CCNI: variants seen among roughly 807,000 people sequenced by gnomAD.
CCNI encodes the protein cyclin I.
A neutral mutation model predicts 34.1 loss-of-function variants in CCNI; 14 were observed. The observed-to-expected ratio is 0.41, with a 90% CI of 0.27 to 0.64. CCNI has a LOEUF of 0.64. CCNI is among the 30% of genes least tolerant of loss of function. CCNI has a pLI of 0.31. For missense variants in CCNI, 385 were observed against 440.5 expected, an observed-to-expected ratio of 0.87 and a Z score of 1.13; for synonymous variants, 154 against 158.4, an observed-to-expected ratio of 0.97 and a Z score of 0.21.
chr4:77,066,323 A>C lies in CCNI; in HGVS notation c.40T>G (p.Phe14Val). 1 of 1,614,094 alleles carries C rather than the reference A, an allele frequency of 6.2e-7. No individual in the cohort carries two copies. Among genetic ancestry groups the C allele is most frequent in the South Asian group, 1.1e-5 (1 of 91,082 alleles). The change falls in exon 2 of 7, where the codon TTC becomes GTC. Residue 14 changes from phenylalanine (F) to valine (V), a missense_variant. Transcript: ENST00000237654. ...CTAGTGATTGCCTTTTCCAACAGGA[A>C]AGACAATCTCTGGTTTTCCAAAGGC... ...PGPLENQRLS[F>V]LLEKAITREA...
chr4:77,059,167 T>C (rs1463135490), intron 2 of CCNI, among the ~76,000 whole-genome samples: 14 of 152,030 alleles, frequency 9.2e-5, no homozygotes, highest in Non-Finnish European at 1.5e-5. Context: ...TGAAAAAATA[T>C]TGAACAGGAA....
chr4:77,073,157 AC>A (rs1388235552), intron 1 of CCNI, among the ~76,000 whole-genome samples: 3 of 152,362 alleles, frequency 2.0e-5, no homozygotes, highest in Non-Finnish European at 2.9e-5. Context: ...GCAAGAAATA[AC>A]AAAAGACTAT....
rs1426018169 is a variant in CCNI at position 77,056,252 on chromosome 4, A to G, written c.315T>C (p.Asp105=). The change falls in exon 4 of 7, where the codon GAT becomes GAC. Residue 105 remains aspartate (D), a synonymous_variant. Transcript: ENST00000237654. ...FFLAAKTVEE[D]ERIPVLKVLA... is the part of the protein sequence containing the mutation. ...TTATCTTGAAAGGATTTATTACCTC[A>G]TCTTCCTCAACAGTCTTGGCAGCTA... 3.7e-6 allele frequency: 6 copies of G among 1,611,962 alleles called. No homozygotes were observed. In the African/African-American group the frequency reaches 8.0e-5, roughly 22 times the overall value.
intron 2 of CCNI, among the ~76,000 whole-genome samples, chr4:77,065,611 TG>T (rs1262015336): frequency 6.6e-6 from 1 of 152,230 alleles, no homozygotes; most frequent in Non-Finnish European, 1.5e-5. Flanking sequence ...GGTATGAAGA[TG>T]TTCAGCCTCT....
chr4:77,065,565 G>A (rs1728973373), intron 2 of CCNI, among the ~76,000 whole-genome samples: 1 of 152,172 alleles, frequency 6.6e-6, no homozygotes, highest in East Asian at 1.9e-4. Flanking sequence ...TACCGCTAAT[G>A]ATGAAAGAGT....
intron 2 of CCNI, 97 bp from the exon 3 acceptor site, chr4:77,058,732 A>C: frequency 1.1e-6 from 1 of 949,386 alleles, no homozygotes; most frequent in South Asian, 1.7e-5. Context: ...GTAATACTAC[A>C]AAATATATTT....
intron 3 of CCNI, 114 bp downstream of exon 3, chr4:77,058,393 C>T (rs530696459): frequency 7.6e-5 from 54 of 707,498 alleles, no homozygotes; most frequent in African/African-American, 7.0e-4. Context: ...ATACATCATT[C>T]TCCAGCAAAG....
intron 1 of CCNI, among the ~76,000 whole-genome samples, chr4:77,069,914 A>G (rs1308923187): frequency 6.6e-6 from 1 of 151,910 alleles, no homozygotes; most frequent in Non-Finnish European, 1.5e-5. Context: ...CATGCTCACC[A>G]ATTCATCTTT....
chr4:77,050,811 G>A (rs1318904059), intron 6 of CCNI, among the ~76,000 whole-genome samples: 1 of 151,404 alleles, frequency 6.6e-6, no homozygotes, highest in Non-Finnish European at 1.5e-5. Context: ...GAGAAAGGAT[G>A]GAGCTTCTGC....
At chr4:77,070,086 C>T (rs928664791) in intron 1 of CCNI, among the ~76,000 whole-genome samples, 9 of 148,744 alleles carry the variant, frequency 6.1e-5, no homozygotes, top group Admixed American at 1.3e-4. Flanking sequence ...GGCACGATCT[C>T]GGCTCACTGC....
intron 1 of CCNI, among the ~76,000 whole-genome samples, chr4:77,067,960 G>A (rs767678780): frequency 6.6e-6 from 1 of 151,860 alleles, no homozygotes; most frequent in Non-Finnish European, 1.5e-5. Context: ...GGCAGATCAC[G>A]AGGTCAGTAG....
At chr4:77,066,200 T>C (rs1357741216) in intron 2 of CCNI, 49 bp downstream of exon 2, 1 of 1,426,978 alleles carries the variant, frequency 7.0e-7, no homozygotes, top group Non-Finnish European at 9.9e-7. Flanking sequence ...ATGGCAGTAG[T>C]ATGTTTATTT....
rs946881060 is a variant in CCNI at position 77,063,553 on chromosome 4, T to G, written c.114+2696A>C. On this transcript the variant is annotated intron_variant, in intron 2 of 6. Transcript: ENST00000237654. ...AAAATACAAAAAATTAGCCGGGCGT[T>G]GTGGCGGGCGCCTGTAGTCCCAGCT... Among the ~76,000 whole-genome samples, 8 of 151,348 alleles carry G rather than the reference T, an allele frequency of 5.3e-5. No individual in the cohort carries two copies. The South Asian group carries it at 6.2e-4, about 12-fold the overall frequency.
intron 1 of CCNI, chr4:77,074,785 C>T (rs912362892): frequency 2.0e-5 from 3 of 152,218 alleles, no homozygotes; most frequent in Non-Finnish European, 4.4e-5. Flanking sequence ...CTGAATCCAT[C>T]CTACCTCCCG....
intron 2 of CCNI, among the ~76,000 whole-genome samples, chr4:77,059,898 A>G (rs1728488482): frequency 6.6e-6 from 1 of 152,210 alleles, no homozygotes; most frequent in African/African-American, 2.4e-5. Context: ...GCCACAACAA[A>G]TAAGGAAAAG....
intron 2 of CCNI, among the ~76,000 whole-genome samples, chr4:77,063,544 G>A (rs1728779469): frequency 6.6e-6 from 1 of 151,912 alleles, no homozygotes; most frequent in Non-Finnish European, 1.5e-5. Context: ...CAAAAAATTA[G>A]CCGGGCGTTG....
intron 6 of CCNI, among the ~76,000 whole-genome samples, chr4:77,054,781 T>C (rs1728091838): frequency 6.6e-6 from 1 of 152,214 alleles, no homozygotes; most frequent in African/African-American, 2.4e-5. Context: ...CTTATTCTAA[T>C]TTTTGTTCCT....
chr4:77,058,362 A>G, intron 3 of CCNI, 145 bp downstream of exon 3: 1 of 517,594 alleles, frequency 1.9e-6, no homozygotes, highest in Non-Finnish European at 3.3e-6. Flanking sequence ...AGAAGACATC[A>G]CCATGTCTTC....
At chr4:77,055,456 T>C (rs976385732) in intron 5 of CCNI, 76 bp from the exon 6 acceptor site, 13 of 966,204 alleles carry the variant, frequency 1.3e-5, no homozygotes, top group Non-Finnish European at 1.9e-5. Context: ...ATGCAACCTA[T>C]TCAATTTCTT....
Sources: gnomAD v4.1 joint callset for allele counts (sites outside exome capture counted in the v4.1 genomes callset) on GRCh38, gnomAD v4.1.1 for gene constraint, MANE v1.5 for transcripts, NCBI Gene and HGNC (gene_info 2026-07-23, HGNC 2026-07-21) for gene names.